Variants in SLC35D4 observed in about 807,000 individuals in gnomAD.
SLC35D4 encodes solute carrier family 35 member D4.
At chr18:23,409,775 TG>T in the SLC35D4 span, among the ~76,000 whole-genome samples, 2 of 140,372 alleles carry the variant, frequency 1.4e-5, no homozygotes, top group Non-Finnish European at 3.0e-5. Flanking sequence ...ACCCAGGAGG[TG>T]GAGGCTGCAG....
At chr18:23,437,085 C>T in the SLC35D4 span, among the ~76,000 whole-genome samples, 1 of 152,150 alleles carries the variant, frequency 6.6e-6, no homozygotes, top group Non-Finnish European at 1.5e-5. Flanking sequence ...CCACTCGGTC[C>T]TATTGGATCC....
the SLC35D4 span, among the ~76,000 whole-genome samples, chr18:23,261,733 A>G: frequency 1.3e-5 from 2 of 152,360 alleles, no homozygotes; most frequent in East Asian, 3.9e-4. Flanking sequence ...GAGATAGTCA[A>G]CACCTTCTTA....
the SLC35D4 span, chr18:23,253,022 G>A: frequency 6.2e-7 from 1 of 1,613,878 alleles, no homozygotes; most frequent in Non-Finnish European, 8.5e-7. Flanking sequence ...AGACCTTCAA[G>A]GAGAAGTTTC....
At chr18:23,413,323 A>T in the SLC35D4 span, among the ~76,000 whole-genome samples, 3 of 152,300 alleles carry the variant, frequency 2.0e-5, no homozygotes, top group South Asian at 6.2e-4. Flanking sequence ...AAATCTTGTC[A>T]TCTTCAGTAA....
chr18:23,256,444 C>T, the SLC35D4 span, among the ~76,000 whole-genome samples: 1 of 152,302 alleles, frequency 6.6e-6, no homozygotes, highest in Admixed American at 6.5e-5. Context: ...TCTGAACTTA[C>T]CACGTGGTTT....
the SLC35D4 span, among the ~76,000 whole-genome samples, chr18:23,277,926 G>C: frequency 1.3e-5 from 2 of 152,192 alleles, no homozygotes; most frequent in Admixed American, 6.5e-5. Flanking sequence ...CAAAGCAGAA[G>C]TCCAATAGAA....
chr18:23,408,589 C>CA, the SLC35D4 span, among the ~76,000 whole-genome samples: 3 of 152,010 alleles, frequency 2.0e-5, no homozygotes, highest in Non-Finnish European at 4.4e-5. Context: ...GGGATAAGAA[C>CA]AAAAAATGCC....
the SLC35D4 span, chr18:23,376,858 C>T: frequency 2.2e-6 from 1 of 456,594 alleles, no homozygotes; most frequent in African/African-American, 2.0e-5. Context: ...AGCTTTACCG[C>T]CTCTCTTTGA....
At chr18:23,243,892 T>C in the SLC35D4 span, among the ~76,000 whole-genome samples, 1 of 148,596 alleles carries the variant, frequency 6.7e-6, no homozygotes, top group African/African-American at 2.5e-5. Context: ...AAAAAAAAAC[T>C]AATACAAAAC....
chr18:23,417,809 C>A, the SLC35D4 span, among the ~76,000 whole-genome samples: 1 of 152,010 alleles, frequency 6.6e-6, no homozygotes, highest in Non-Finnish European at 1.5e-5. Context: ...TAATTTACAT[C>A]AGATATTATG....
chr18:23,315,025 T>TG, the SLC35D4 span, among the ~76,000 whole-genome samples: 2 of 152,104 alleles, frequency 1.3e-5, no homozygotes, highest in African/African-American at 2.4e-5. Context: ...GTGGTGGTGG[T>TG]GGGGGGTGTT....
the SLC35D4 span, among the ~76,000 whole-genome samples, chr18:23,431,606 T>C: frequency 1.3e-5 from 2 of 152,230 alleles, no homozygotes; most frequent in Admixed American, 6.5e-5. Flanking sequence ...ATTTTGTATG[T>C]TGTTTGCATT....
At chr18:23,299,266 C>A in the SLC35D4 span, among the ~76,000 whole-genome samples, 1 of 152,164 alleles carries the variant, frequency 6.6e-6, no homozygotes, top group Non-Finnish European at 1.5e-5. Context: ...CAGCAGCAAC[C>A]CACCCCTGTG....
chr18:23,302,525 G>T, the SLC35D4 span, among the ~76,000 whole-genome samples: 1 of 152,152 alleles, frequency 6.6e-6, no homozygotes, highest in Non-Finnish European at 1.5e-5. Flanking sequence ...TAGTGCTTTG[G>T]GTGAGAAGCC....
At chr18:23,319,093 C>T in the SLC35D4 span, among the ~76,000 whole-genome samples, 1 of 151,978 alleles carries the variant, frequency 6.6e-6, no homozygotes, top group African/African-American at 2.4e-5. Context: ...ATCCACCCAC[C>T]TCGGCCTCCC....
At chr18:23,255,007 G>A in the SLC35D4 span, among the ~76,000 whole-genome samples, 1 of 152,170 alleles carries the variant, frequency 6.6e-6, no homozygotes. Context: ...GGTAAGGCAG[G>A]GTTTGTGGGT....
chr18:23,437,465 G>C, the SLC35D4 span, among the ~76,000 whole-genome samples: 1 of 152,030 alleles, frequency 6.6e-6, no homozygotes, highest in Non-Finnish European at 1.5e-5. Flanking sequence ...CCCCGGGGGA[G>C]CAGGAGCCAA....
the SLC35D4 span, chr18:23,352,316 A>G: frequency 5.0e-6 from 8 of 1,587,768 alleles, no homozygotes; most frequent in Non-Finnish European, 6.0e-6. Context: ...TTCTCTTGTT[A>G]GTGAGGCTTG....
At chr18:23,424,314 A>G in the SLC35D4 span, among the ~76,000 whole-genome samples, 1 of 152,198 alleles carries the variant, frequency 6.6e-6, no homozygotes, top group African/African-American at 2.4e-5. Flanking sequence ...ATGGAATTTA[A>G]AAAGCAAGCT....
Sources: allele counts gnomAD v4.1 joint callset (sites outside exome capture counted in the v4.1 genomes callset), GRCh38; gene constraint gnomAD v4.1.1; transcripts MANE v1.5; gene names NCBI Gene and HGNC (gene_info 2026-07-23, HGNC 2026-07-21).